The following ARHGAP15 variants were observed in gnomAD, a reference collection of about 807,000 sequenced individuals.
ARHGAP15 encodes Rho GTPase activating protein 15, also known as rho GTPase-activating protein 15.
ARHGAP15 carries 51 observed loss-of-function variants against 63.7 expected under a neutral mutation model. The observed-to-expected ratio is 0.80, with a 90% confidence interval of 0.64 to 1.01. The LOEUF is 1.01. Ranked by LOEUF, ARHGAP15 falls within the 50% of genes least tolerant of loss-of-function variation. ARHGAP15 has a pLI of 0.00. For missense variants in ARHGAP15, 560 were observed against 564.6 expected, an observed-to-expected ratio of 0.99 and a Z score of 0.08; for synonymous variants, 191 against 193.8, an observed-to-expected ratio of 0.99 and a Z score of 0.12.
At chr2:143,188,289 T>C (rs1028612883) in intron 2 of ARHGAP15, among the ~76,000 whole-genome samples, 14 of 152,258 alleles carry the variant, frequency 9.2e-5, no homozygotes, top group African/African-American at 3.1e-4. Flanking sequence ...TCAATAATTA[T>C]ATAAACATAA....
intron 10 of ARHGAP15, among the ~76,000 whole-genome samples, chr2:143,543,389 C>T (rs538144675): frequency 6.6e-6 from 1 of 151,990 alleles, no homozygotes; most frequent in South Asian, 2.1e-4. Flanking sequence ...TTAACTTGGG[C>T]TCAGGTTGTT....
chr2:143,570,561 A>AT (rs1178520895), intron 11 of ARHGAP15, among the ~76,000 whole-genome samples: 2 of 152,124 alleles, frequency 1.3e-5, no homozygotes, highest in African/African-American at 4.8e-5. Context: ...GAGTTGGACC[A>AT]TTTTTTTATT....
chr2:143,559,636 A>C (rs1192528640), intron 11 of ARHGAP15, among the ~76,000 whole-genome samples: 1 of 152,184 alleles, frequency 6.6e-6, no homozygotes, highest in Non-Finnish European at 1.5e-5. Context: ...CTGGCCCCAC[A>C]ACCTTGTTGC....
chr2:143,621,498 C>T (rs930676521), intron 11 of ARHGAP15, among the ~76,000 whole-genome samples: 2 of 152,096 alleles, frequency 1.3e-5, no homozygotes, highest in Non-Finnish European at 2.9e-5. Context: ...ACCTGGTTTA[C>T]AAGGGATCTT....
chr2:143,715,088 A>C (rs1212453142), intron 13 of ARHGAP15, among the ~76,000 whole-genome samples: 1 of 152,202 alleles, frequency 6.6e-6, no homozygotes, highest in South Asian at 2.1e-4. Flanking sequence ...TGGGAAAAAA[A>C]AAAGAGGTTT....
intron 12 of ARHGAP15, among the ~76,000 whole-genome samples, chr2:143,643,403 A>C (rs1460044914): frequency 6.8e-6 from 1 of 147,236 alleles, no homozygotes; most frequent in Non-Finnish European, 1.5e-5. Context: ...AGATTCCTAG[A>C]TGTGTGACAC....
chr2:143,383,173 G>GA (rs1212187206), intron 6 of ARHGAP15, among the ~76,000 whole-genome samples: 2 of 152,002 alleles, frequency 1.3e-5, no homozygotes, highest in African/African-American at 4.8e-5. Context: ...CTAGGGATAG[G>GA]AAAAAAACAC....
At chr2:143,216,639 C>T (rs919305159) in intron 4 of ARHGAP15, among the ~76,000 whole-genome samples, 194 bp downstream of exon 4, 2 of 152,134 alleles carry the variant, frequency 1.3e-5, no homozygotes, top group Non-Finnish European at 1.5e-5. Flanking sequence ...TCTATATTGT[C>T]GAACAGAACA....
At chr2:143,617,974 A>C (rs1358316428) in intron 11 of ARHGAP15, among the ~76,000 whole-genome samples, 2 of 152,236 alleles carry the variant, frequency 1.3e-5, no homozygotes, top group South Asian at 4.1e-4. Context: ...TAACTGGCCA[A>C]CTGGTTTAGT....
chr2:143,306,363 A>G (rs1387021377), intron 6 of ARHGAP15, among the ~76,000 whole-genome samples: 2 of 152,174 alleles, frequency 1.3e-5, no homozygotes, highest in African/African-American at 2.4e-5. Context: ...TGTTCAAATC[A>G]TAAGACTTGG....
intron 12 of ARHGAP15, among the ~76,000 whole-genome samples, chr2:143,641,639 A>C (rs1303993041): frequency 2.0e-5 from 3 of 152,268 alleles, no homozygotes; most frequent in Admixed American, 2.0e-4. Flanking sequence ...ATTTTCACAC[A>C]GTAAAGTATG....
chr2:143,423,251 T>C (rs895304884), intron 6 of ARHGAP15, among the ~76,000 whole-genome samples: 1 of 152,138 alleles, frequency 6.6e-6, no homozygotes, highest in African/African-American at 2.4e-5. Flanking sequence ...GAGGATGTCT[T>C]CCCCACTGTG....
chr2:143,522,931 AC>A (rs1694117367), intron 10 of ARHGAP15, among the ~76,000 whole-genome samples: 1 of 152,140 alleles, frequency 6.6e-6, no homozygotes, highest in Non-Finnish European at 1.5e-5. Context: ...AAATGCGATC[AC>A]CTGTGTCTCT....
chr2:143,717,145 C>T (rs1684843812), intron 13 of ARHGAP15, among the ~76,000 whole-genome samples: 1 of 152,204 alleles, frequency 6.6e-6, no homozygotes, highest in African/African-American at 2.4e-5. Flanking sequence ...CTTTTATCAC[C>T]TTCTTTCTCC....
chr2:143,349,723 T>C (rs1449204558), intron 6 of ARHGAP15, among the ~76,000 whole-genome samples: 2 of 152,202 alleles, frequency 1.3e-5, no homozygotes, highest in East Asian at 3.8e-4. Flanking sequence ...AACTCCAGAG[T>C]CCGAGTGTAA....
intron 4 of ARHGAP15, among the ~76,000 whole-genome samples, chr2:143,226,488 A>T (rs544195218): frequency 2.6e-5 from 4 of 152,332 alleles, no homozygotes; most frequent in African/African-American, 4.8e-5. Context: ...GTGTTAAAAG[A>T]TGCCCAGACT....
At chr2:143,472,455 G>C (rs1309246714) in intron 8 of ARHGAP15, among the ~76,000 whole-genome samples, 1 of 152,052 alleles carries the variant, frequency 6.6e-6, no homozygotes, top group East Asian at 1.9e-4. Context: ...TGTCTCAACA[G>C]GCGATTCCTA....
At position 143,407,987 on chromosome 2, in the gene ARHGAP15, GTATATATATA is replaced by G. The variant is rs58194704; in HGVS notation, c.475-27578_475-27569del. Among the ~76,000 whole-genome samples the G allele has an allele frequency of 3.0e-3, 233 of 77,436 alleles. 3 individuals carry two copies. Among genetic ancestry groups the G allele is most frequent in the African/African-American group, 7.7e-3 (173 of 22,460 alleles). 50.8% of individuals were successfully genotyped at this position (77,436 alleles called of 152,430 possible). A position where few individuals can be genotyped will look rare whatever the true frequency, so the allele number is the denominator to read the frequency against. Reference sequence around the variant, plus strand: ...TTTTTAAAGTCTGACTTCTGTGTGTGTATATATATATATATATATATATATATATATATAT... The same window carrying G: ...TTTTTAAAGTCTGACTTCTGTGTGTGTATATATATATATATATATATATAT... On this transcript the variant is annotated intron_variant, in intron 6 of 13. Coordinates refer to ENST00000295095, the MANE Select transcript of ARHGAP15 (RefSeq NM_018460.4).
chr2:143,653,343 A>G (rs903050669), intron 12 of ARHGAP15, among the ~76,000 whole-genome samples: 2 of 151,964 alleles, frequency 1.3e-5, no homozygotes, highest in Admixed American at 6.6e-5. Flanking sequence ...ATATCTTTGT[A>G]TGGTTTTGGT....
Sources: allele counts gnomAD v4.1 joint callset (sites outside exome capture counted in the v4.1 genomes callset), GRCh38; gene constraint gnomAD v4.1.1; transcripts MANE v1.5; gene names NCBI Gene and HGNC (gene_info 2026-07-23, HGNC 2026-07-21).